Variants in HACL1 observed in about 807,000 individuals in gnomAD.
The protein encoded by HACL1 is 2-hydroxyacyl-CoA lyase 1, also known as 1600020H07Rik.
A neutral mutation model predicts 74.2 loss-of-function variants in HACL1; 64 were observed. The observed-to-expected ratio is 0.86, with a 90% confidence interval of 0.70 to 1.06. The LOEUF (loss-of-function observed/expected upper bound fraction) is 1.06. Ranked by LOEUF, HACL1 falls within the 50% of genes least tolerant of loss-of-function variation. The pLI, the probability that HACL1 is intolerant of heterozygous loss-of-function variation, is 0.00. For synonymous variants in HACL1, 230 were observed against 238.8 expected (o/e 0.96, Z 0.34); for missense variants, 728 against 719.7 (o/e 1.01, Z -0.13).
chr3:15,583,356 C>T (rs2063743191), intron 7 of HACL1, among the ~76,000 whole-genome samples: 1 of 152,186 alleles, frequency 6.6e-6, no homozygotes. Context: ...AATTCATTAA[C>T]AGAAAATCTG....
chr3:15,589,725 TA>T, intron 4 of HACL1, 113 bp from the exon 5 acceptor site: 2 of 751,588 alleles, frequency 2.7e-6, no homozygotes, highest in Non-Finnish European at 4.5e-6. Flanking sequence ...GAGAATATTA[TA>T]TTTTTTTCTT....
chr3:15,566,254 A>C (rs947560645), intron 14 of HACL1, among the ~76,000 whole-genome samples: 3 of 152,030 alleles, frequency 2.0e-5, no homozygotes, highest in African/African-American at 7.3e-5. Flanking sequence ...GAAAAATAAA[A>C]CCCCCATCCT....
At chr3:15,600,949 G>A (rs1224536514) in intron 2 of HACL1, 141 bp downstream of exon 2, 1 of 650,574 alleles carries the variant, frequency 1.5e-6, no homozygotes, top group African/African-American at 1.8e-5. Context: ...TGTAACAACA[G>A]TTAATATTCA....
intron 3 of HACL1, among the ~76,000 whole-genome samples, chr3:15,592,588 GTA>G (rs1171404034): frequency 7.5e-6 from 1 of 134,058 alleles, no homozygotes; most frequent in Non-Finnish European, 1.6e-5. Context: ...ATGTGTGCGT[GTA>G]TACACATGTA....
At chr3:15,589,080 A>T (rs1292328097) in intron 5 of HACL1, among the ~76,000 whole-genome samples, 1 of 152,240 alleles carries the variant, frequency 6.6e-6, no homozygotes, top group African/African-American at 2.4e-5. Flanking sequence ...TAGTAGCTCA[A>T]GATAATTACC....
At chr3:15,600,905 C>G (rs1192708400) in intron 2 of HACL1, 185 bp downstream of exon 2, 3 of 617,658 alleles carry the variant, frequency 4.9e-6, no homozygotes, top group Non-Finnish European at 8.8e-6. Flanking sequence ...GCAAGTTTTA[C>G]TTAACCTGTG....
intron 11 of HACL1, 60 bp from the exon 12 acceptor site, chr3:15,571,829 CTTTTTTTTTTTTTTTT>C (rs869072841): frequency 1.0e-4 from 23 of 226,182 alleles, no homozygotes; most frequent in African/African-American, 2.8e-4. Flanking sequence ...CCTTTTTTTT[CTTTTTTTTTTTTTTTT>C]TTTTTTTTTT....
Position 15,571,772 on chromosome 3 carries a change from TA to T in HACL1, c.994-4del, listed in dbSNP as rs200924343. On this transcript the variant is annotated splice_region_variant and splice_polypyrimidine_tract_variant and intron_variant, in intron 11 of 16. Coordinates refer to ENST00000321169, the MANE Select transcript of HACL1 (RefSeq NM_012260.4). ...GTTTTATCAAGTTCCTCTAAAAGCT[TA>T]AAAAAAAAAAAACACACACACACAA... The T allele has an allele frequency of 0.029, 23,023 of 795,930 alleles. 1 individual carries two copies. The highest frequency in any genetic ancestry group is 0.033 in the South Asian group (1,950 of 59,044). 49.3% of individuals were successfully genotyped at this position (795,930 alleles called of 1,614,324 possible).
chr3:15,594,165 TGA>T (rs2064014139), intron 3 of HACL1, among the ~76,000 whole-genome samples: 1 of 152,162 alleles, frequency 6.6e-6, no homozygotes, highest in Non-Finnish European at 1.5e-5. Context: ...CCCAGCATCT[TGA>T]GAGGCTGAGG....
chr3:15,563,059 G>C (rs2063371116), intron 16 of HACL1, among the ~76,000 whole-genome samples: 1 of 152,020 alleles, frequency 6.6e-6, no homozygotes, highest in African/African-American at 2.4e-5. Context: ...CCAAGTAATT[G>C]CTTCACTCTG....
rs151213496 is a variant in HACL1 at position 15,583,763 on chromosome 3, T to G, written c.555-774A>C. On this transcript the variant is annotated intron_variant, in intron 7 of 16. Coordinates refer to ENST00000321169, the MANE Select transcript of HACL1 (RefSeq NM_012260.4). ...ACCTCCATCTCCCAAGTTCAAGCGA[T>G]TCTCCTGCCTCAGCCTCCTGAGTAG... Among the ~76,000 whole-genome samples, 947 of 152,120 alleles carry G rather than the reference T, an allele frequency of 6.2e-3. 7 individuals are homozygous for G. The highest frequency in any genetic ancestry group is 0.022 in the African/African-American group (896 of 41,482).
At chr3:15,592,271 C>T (rs117311581) in intron 3 of HACL1, among the ~76,000 whole-genome samples, 35 of 135,338 alleles carry the variant, frequency 2.6e-4, no homozygotes, top group East Asian at 5.6e-4. Context: ...TCCATATATA[C>T]GTATACATAC....
chr3:15,588,325 G>A (rs1220740638), intron 5 of HACL1, among the ~76,000 whole-genome samples: 2 of 152,148 alleles, frequency 1.3e-5, no homozygotes, highest in East Asian at 3.8e-4. Context: ...TGGGTGTGGT[G>A]GCTCACGCCT....
intron 9 of HACL1, 102 bp from the exon 10 acceptor site, chr3:15,575,184 A>T (rs2063602056): frequency 1.6e-6 from 1 of 609,338 alleles, no homozygotes; most frequent in Admixed American, 2.6e-5. Context: ...TTTGGAGCTT[A>T]CATCAGACTT....
At position 15,563,348 on chromosome 3, in the gene HACL1, C is replaced by T. The variant is rs1474175370; in HGVS notation, c.1704+10G>A. 13 of 1,596,118 alleles carry T rather than the reference C, an allele frequency of 8.1e-6. No homozygotes were observed. The highest frequency in any genetic ancestry group is 1.0e-5 in the Non-Finnish European group (12 of 1,166,906). On this transcript the variant is annotated intron_variant, in intron 16 of 16. Transcript: ENST00000321169. ...GCATTTCTTGCTTTCTGCTTAGCAACTGTATTTACCTGGGCCTTCCGTGTG... is the reference window on the plus strand; with the variant it reads ...GCATTTCTTGCTTTCTGCTTAGCAATTGTATTTACCTGGGCCTTCCGTGTG...
At chr3:15,575,692 C>T (rs1456304346) in intron 9 of HACL1, among the ~76,000 whole-genome samples, 3 of 152,100 alleles carry the variant, frequency 2.0e-5, no homozygotes, top group Admixed American at 2.0e-4. Context: ...CAGGCACGTG[C>T]CACTGCACCT....
chr3:15,569,273 TAAAGA>T (rs2063483091), intron 12 of HACL1, among the ~76,000 whole-genome samples: 3 of 152,002 alleles, frequency 2.0e-5, no homozygotes, highest in Non-Finnish European at 2.9e-5. Context: ...ATACACAAGG[TAAAGA>T]GGGACCCTCC....
Position 15,592,449 on chromosome 3 carries a change from T to C in HACL1, c.228-769A>G, listed in dbSNP as rs147056781. ...GTATGCATGTAGACACACGTATACATACACACACGTATACATACACACACG... is the reference window on the plus strand; with the variant it reads ...GTATGCATGTAGACACACGTATACACACACACACGTATACATACACACACG... On this transcript the variant is annotated intron_variant, in intron 3 of 16. Coordinates refer to ENST00000321169, the MANE Select transcript of HACL1 (RefSeq NM_012260.4). 6.8e-3 allele frequency among the ~76,000 whole-genome samples: 851 copies of C among 124,450 alleles called. 43 individuals carry two copies. The highest frequency in any genetic ancestry group is 0.034 in the African/African-American group (808 of 23,996). The allele number at this position is 124,450 out of a possible 152,430, so 81.6% of individuals were successfully genotyped here. A position where few individuals can be genotyped will look rare whatever the true frequency, so the allele number is the denominator to read the frequency against.
intron 3 of HACL1, among the ~76,000 whole-genome samples, chr3:15,593,999 T>A (rs1460321380): frequency 6.6e-6 from 1 of 151,510 alleles, no homozygotes; most frequent in Non-Finnish European, 1.5e-5. Context: ...GGTTTCACCA[T>A]GTTTGGCCAG....
Sources: gnomAD v4.1 joint callset for allele counts (sites outside exome capture counted in the v4.1 genomes callset) on GRCh38, gnomAD v4.1.1 for gene constraint, MANE v1.5 for transcripts, NCBI Gene and HGNC (gene_info 2026-07-23, HGNC 2026-07-21) for gene names.